ATP2B2: variants seen among roughly 807,000 people sequenced by gnomAD.
The protein encoded by ATP2B2 is plasma membrane calcium-transporting ATPase 2.
A neutral mutation model predicts 120.0 loss-of-function variants in ATP2B2; 15 were observed. That is an observed-to-expected ratio of 0.12 (90% CI 0.08 to 0.19). The LOEUF is 0.19. Ranked by LOEUF, ATP2B2 falls within the 10% of genes least tolerant of loss-of-function variation. The probability of loss-of-function intolerance (pLI) is 1.00; values close to 1 mark genes in which losing one functional copy is unlikely to be tolerated. For missense variants in ATP2B2, 1,045 were observed against 1,719.8 expected (o/e 0.61, Z 6.94); for synonymous variants, 694 against 700.3 (o/e 0.99, Z 0.14).
intron 1 of ATP2B2, among the ~76,000 whole-genome samples, chr3:10,472,348 C>A (rs2065047830): frequency 6.6e-6 from 1 of 152,086 alleles, no homozygotes; most frequent in South Asian, 2.1e-4. Context: ...AGCCCAGTGA[C>A]CCATGTGCCA....
At chr3:10,384,755 T>G (rs2061625247) in intron 8 of ATP2B2, among the ~76,000 whole-genome samples, 1 of 152,104 alleles carries the variant, frequency 6.6e-6, no homozygotes, top group Non-Finnish European at 1.5e-5. Flanking sequence ...GGAAAAACTG[T>G]TTACTGCTGG....
chr3:10,437,963 G>A (rs2063531121), intron 2 of ATP2B2, among the ~76,000 whole-genome samples: 1 of 152,188 alleles, frequency 6.6e-6, no homozygotes, highest in South Asian at 2.1e-4. Flanking sequence ...CTCCAGAACT[G>A]TGAGAGAATG....
At chr3:10,420,680 C>G (rs760069225) in intron 2 of ATP2B2, among the ~76,000 whole-genome samples, 1 of 152,222 alleles carries the variant, frequency 6.6e-6, no homozygotes, top group African/African-American at 2.4e-5. Context: ...GGTTTTTTCA[C>G]GTGCAGCCTG....
chr3:10,522,836 G>A (rs2067011745), intron 3 of ATP2B2, among the ~76,000 whole-genome samples: 1 of 152,198 alleles, frequency 6.6e-6, no homozygotes, highest in African/African-American at 2.4e-5. Context: ...GACACCTGGG[G>A]GTGACCTTGG....
chr3:10,607,818 C>A (rs2069126920), intron 2 of ATP2B2, among the ~76,000 whole-genome samples: 1 of 152,222 alleles, frequency 6.6e-6, no homozygotes, highest in African/African-American at 2.4e-5. Flanking sequence ...GATGATAAAT[C>A]TGGCATTGAC....
chr3:10,429,608 T>C (rs925278451), intron 2 of ATP2B2, among the ~76,000 whole-genome samples: 11 of 152,298 alleles, frequency 7.2e-5, no homozygotes, highest in African/African-American at 2.6e-4. Flanking sequence ...TCCATCTCCT[T>C]GGGCCTCCCT....
chr3:10,497,835 G>A (rs2066217902), intron 1 of ATP2B2, among the ~76,000 whole-genome samples: 1 of 152,214 alleles, frequency 6.6e-6, no homozygotes, highest in Non-Finnish European at 1.5e-5. Flanking sequence ...TCTCACAGCT[G>A]CTCCGGCAAG....
rs898754420 is a variant in ATP2B2 at position 10,511,204 on chromosome 3, G to A, written c.-320+22835C>T. On this transcript the variant is annotated intron_variant, in intron 3 of 21. Coordinates refer to the ATP2B2 transcript ENST00000646379. The stretch of plus-strand genomic sequence containing the variant: ...CTTCTCTGCCTGGAGAACTCCTACT[G>A]ATCCTTCAAGACTCAGCTCCAGCAG... Among the ~76,000 whole-genome samples the A allele has an allele frequency of 3.3e-5, 5 of 152,160 alleles. No homozygotes were observed. In the East Asian group the frequency reaches 9.7e-4, roughly 29 times the overall value.
At chr3:10,358,590 A>C in intron 14 of ATP2B2, 101 bp downstream of exon 14, 2 of 1,128,792 alleles carry the variant, frequency 1.8e-6, no homozygotes, top group Middle Eastern at 1.9e-4. Context: ...TTATGTGGAA[A>C]CTGAGACTCA....
chr3:10,394,101 C>T (rs769798441), intron 5 of ATP2B2, among the ~76,000 whole-genome samples: 3 of 152,016 alleles, frequency 2.0e-5, no homozygotes, highest in South Asian at 2.1e-4. Flanking sequence ...TGATCTCTTG[C>T]GTGTGACCTT....
intron 13 of ATP2B2, among the ~76,000 whole-genome samples, 180 bp from the exon 14 acceptor site, chr3:10,359,105 CT>C (rs2060822994): frequency 1.3e-5 from 2 of 152,222 alleles, no homozygotes; most frequent in Non-Finnish European, 2.9e-5. Context: ...GCCCAGGCCA[CT>C]CAGCAAGCGG....
chr3:10,640,681 G>A (rs2070147389), intron 1 of ATP2B2, among the ~76,000 whole-genome samples: 1 of 151,734 alleles, frequency 6.6e-6, no homozygotes, highest in South Asian at 2.1e-4. Flanking sequence ...AGGCTGTGAT[G>A]TCCTCACCCC....
In ATP2B2 at chr3:10,697,297, G is replaced by C. The variant is rs575907937; in HGVS notation, c.-460+10618C>G. On this transcript the variant is annotated intron_variant, in intron 1 of 21. Coordinates refer to the ATP2B2 transcript ENST00000646379. ...GTCATCACAGCCCCTTTGCAGAAGGGAGCCAGCTTTTCAGAACAGATCTGT... is the reference window on the plus strand; with the variant it reads ...GTCATCACAGCCCCTTTGCAGAAGGCAGCCAGCTTTTCAGAACAGATCTGT... Among the ~76,000 whole-genome samples the C allele has an allele frequency of 3.2e-4, 48 of 152,206 alleles. No individual in the cohort carries two copies. In the East Asian group the frequency reaches 8.5e-3, roughly 27 times the overall value.
At chr3:10,691,998 G>A (rs1456957640) in intron 1 of ATP2B2, among the ~76,000 whole-genome samples, 1 of 152,198 alleles carries the variant, frequency 6.6e-6, no homozygotes, top group Non-Finnish European at 1.5e-5. Flanking sequence ...CCTAGTTACA[G>A]TTAGAAAGTA....
intron 1 of ATP2B2, among the ~76,000 whole-genome samples, chr3:10,502,851 G>C (rs957011025): frequency 6.6e-6 from 1 of 152,210 alleles, no homozygotes; most frequent in African/African-American, 2.4e-5. Flanking sequence ...TCATGCCGAA[G>C]GGTCAAAGAG....
chr3:10,524,629 C>T lies in ATP2B2; in HGVS notation c.-320+9410G>A, dbSNP rs572658441. ...GACAACTAATTCATCATCTCCCCAGCTCTCCTTCCCTCTTCTATTTATTAC... is the reference window on the plus strand; with the variant it reads ...GACAACTAATTCATCATCTCCCCAGTTCTCCTTCCCTCTTCTATTTATTAC... On this transcript the variant is annotated intron_variant, in intron 3 of 21. Coordinates refer to the ATP2B2 transcript ENST00000646379. Among the ~76,000 whole-genome samples the T allele has an allele frequency of 6.6e-5, 10 of 152,318 alleles. 1 individual carries two copies. In the South Asian group the frequency reaches 2.1e-3, roughly 32 times the overall value.
At chr3:10,582,293 T>C (rs528203790) in intron 2 of ATP2B2, among the ~76,000 whole-genome samples, 1 of 152,126 alleles carries the variant, frequency 6.6e-6, no homozygotes, top group African/African-American at 2.4e-5. Flanking sequence ...ACCTTGCAAG[T>C]TGTTGATTCA....
At chr3:10,549,969 G>A (rs1180095000) in intron 2 of ATP2B2, among the ~76,000 whole-genome samples, 3 of 152,242 alleles carry the variant, frequency 2.0e-5, no homozygotes, top group Admixed American at 6.5e-5. Context: ...CCTGCTTAAG[G>A]CCACATAGCA....
rs954937406 is a variant in ATP2B2, at chr3:10,553,986, G to C, written c.-414-19853C>G. Among the ~76,000 whole-genome samples, 7 of 142,658 alleles carry C rather than the reference G, an allele frequency of 4.9e-5. 1 individual carries two copies. The East Asian group carries it at 1.3e-3, about 26-fold the overall frequency. The allele number at this position is 142,658 out of a possible 152,430, so 93.6% of individuals were successfully genotyped here. ...TTATAATGAGCAGGAGCGGTACACA[G>C]ACCCACGTTTGTTTTCTGGGGGTCT... is the stretch of plus-strand genomic sequence containing the variant. On this transcript the variant is annotated intron_variant, in intron 2 of 21. Transcript: ENST00000646379.
Sources: gnomAD v4.1 joint callset for allele counts (sites outside exome capture counted in the v4.1 genomes callset) on GRCh38, gnomAD v4.1.1 for gene constraint, MANE v1.5 for transcripts, NCBI Gene and HGNC (gene_info 2026-07-23, HGNC 2026-07-21) for gene names.